ACSM5: variants seen among roughly 807,000 people sequenced by gnomAD.
The protein encoded by ACSM5 is acyl-coenzyme A synthetase ACSM5, mitochondrial.
A neutral mutation model predicts 71.6 loss-of-function variants in ACSM5; 56 were observed. The ratio of observed to expected loss-of-function variants is 0.78; its 90% CI spans 0.63 to 0.98. The LOEUF (loss-of-function observed/expected upper bound fraction) is 0.98. Among genes scored for constraint, ACSM5 ranks in the 50% least tolerant of loss-of-function variants. ACSM5 has a pLI of 0.00. For missense variants in ACSM5, 723 were observed against 726.0 expected (o/e 1.00, Z 0.05); for synonymous variants, 285 against 281.5 (o/e 1.01, Z -0.12).
At chr16:20,440,243 G>A (rs1418999287) in intron 13 of ACSM5, 101 bp from the exon 14 acceptor site, 9 of 838,918 alleles carry the variant, frequency 1.1e-5, no homozygotes, top group Middle Eastern at 3.5e-4. Flanking sequence ...AATCAGGGAC[G>A]CTTTCCAAGG....
At chr16:20,423,431 T>A (rs1427693649) in intron 5 of ACSM5, among the ~76,000 whole-genome samples, 2 of 152,238 alleles carry the variant, frequency 1.3e-5, no homozygotes, top group African/African-American at 4.8e-5. Flanking sequence ...CCAGAGCATT[T>A]CTCAGAAACC....
In ACSM5 at chr16:20,424,650, ATCAG is replaced by A. The variant is rs138348546; in HGVS notation, c.921+585_921+588del. Among the ~76,000 whole-genome samples the A allele has an allele frequency of 1.2e-3, 187 of 152,340 alleles. 1 individual carries two copies. The highest frequency in any genetic ancestry group is 4.4e-3 in the African/African-American group (185 of 41,576). Reference sequence around the variant, plus strand: ...GGTAGCTAACTGCATAGGCTGTGCCATCAGTCAAAGAGTCAGACCTGGACTCTGA... The same window carrying A: ...GGTAGCTAACTGCATAGGCTGTGCCATCAAAGAGTCAGACCTGGACTCTGA... On this transcript the variant is annotated intron_variant, in intron 6 of 13. Coordinates refer to ENST00000331849, the MANE Select transcript of ACSM5 (RefSeq NM_017888.3).
intron 1 of ACSM5, among the ~76,000 whole-genome samples, chr16:20,411,236 C>T (rs944692909): frequency 5.6e-4 from 85 of 152,296 alleles, no homozygotes; most frequent in African/African-American, 1.9e-3. Context: ...TGAGTTCTGA[C>T]CTCAGACCCA....
At chr16:20,430,200 TACACACAC>T (rs199835504) in intron 8 of ACSM5, among the ~76,000 whole-genome samples, 3,197 of 144,828 alleles carry the variant, frequency 0.022, 104 homozygotes, top group African/African-American at 0.071. Context: ...GCTATTGAAA[TACACACAC>T]ACACACACAC....
At chr16:20,426,417 G>T (rs1230265777) in intron 6 of ACSM5, among the ~76,000 whole-genome samples, 1 of 152,156 alleles carries the variant, frequency 6.6e-6, no homozygotes, top group Non-Finnish European at 1.5e-5. Flanking sequence ...TTGGAGCAGG[G>T]TCTCTCATGA....
intron 2 of ACSM5, among the ~76,000 whole-genome samples, chr16:20,415,467 A>C (rs1344593219): frequency 2.0e-5 from 3 of 152,218 alleles, no homozygotes; most frequent in Admixed American, 2.0e-4. Flanking sequence ...AATGGGGTGA[A>C]TCACTGAGAC....
At chr16:20,437,788 TG>T (rs965425639) in intron 12 of ACSM5, among the ~76,000 whole-genome samples, 2 of 150,814 alleles carry the variant, frequency 1.3e-5, no homozygotes, top group African/African-American at 4.9e-5. Flanking sequence ...ACCAGAAAGA[TG>T]GGCCAAATTT....
Position 20,418,484 on chromosome 16 carries a change from T to G in ACSM5, c.415+215T>G, listed in dbSNP as rs74925128. ...AGGCCAGTGCAAGGCAGTAGGGAGTTGTGAGGACTGCGGCAAACTGGAGAT... is the reference window on the plus strand; with the variant it reads ...AGGCCAGTGCAAGGCAGTAGGGAGTGGTGAGGACTGCGGCAAACTGGAGAT... On this transcript the variant is annotated intron_variant, in intron 3 of 13. Transcript: ENST00000331849. Among the ~76,000 whole-genome samples, 7,762 of 152,230 alleles carry G rather than the reference T, an allele frequency of 0.051. 224 individuals carry two copies. The highest frequency in any genetic ancestry group is 0.072 in the African/African-American group (2,994 of 41,530).
intron 7 of ACSM5, among the ~76,000 whole-genome samples, chr16:20,428,156 T>G (rs1271969529): frequency 1.3e-5 from 2 of 152,130 alleles, no homozygotes; most frequent in East Asian, 3.9e-4. Flanking sequence ...AGACTGAAAT[T>G]TTAGCACCTG....
intron 6 of ACSM5, among the ~76,000 whole-genome samples, chr16:20,426,838 G>A (rs201814336): frequency 7.2e-6 from 1 of 138,428 alleles, no homozygotes; most frequent in Non-Finnish European, 1.6e-5. Flanking sequence ...GGATGGTAGC[G>A]ATGGTTGCAC....
intron 6 of ACSM5, among the ~76,000 whole-genome samples, chr16:20,427,319 A>C (rs1167094004): frequency 1.3e-5 from 2 of 152,106 alleles, no homozygotes; most frequent in South Asian, 2.1e-4. Flanking sequence ...AACAAAAAAC[A>C]AAACAAAAAC....
intron 7 of ACSM5, 107 bp from the exon 8 acceptor site, chr16:20,429,571 C>T (rs1730136307): frequency 5.4e-6 from 8 of 1,468,504 alleles, no homozygotes; most frequent in Non-Finnish European, 7.6e-6. Flanking sequence ...AAAGCAGGGG[C>T]ATCTACCCTC....
chr16:20,422,909 G>T (rs558323618), intron 5 of ACSM5, among the ~76,000 whole-genome samples: 14 of 152,284 alleles, frequency 9.2e-5, no homozygotes, highest in Non-Finnish European at 1.3e-4. Context: ...ACTAAATGAT[G>T]GGGGAAGAAC....
At chr16:20,439,944 C>G in intron 13 of ACSM5, 25 bp downstream of exon 13, 1 of 1,611,380 alleles carries the variant, frequency 6.2e-7, no homozygotes, top group Non-Finnish European at 8.5e-7. Context: ...TTCCAGGGCA[C>G]AGTGATCTGG....
At chr16:20,415,754 T>G (rs113345292) in intron 2 of ACSM5, among the ~76,000 whole-genome samples, 6,748 of 152,270 alleles carry the variant, frequency 0.044, 161 homozygotes, top group South Asian at 0.059. Context: ...CAATCACAGA[T>G]GATTAAGGGC....
chr16:20,433,109 C>T (rs762615759), intron 10 of ACSM5, among the ~76,000 whole-genome samples: 4 of 152,156 alleles, frequency 2.6e-5, no homozygotes, highest in East Asian at 1.9e-4. Flanking sequence ...CTGCCCGCCT[C>T]GGGCAACTCC....
intron 8 of ACSM5, among the ~76,000 whole-genome samples, chr16:20,430,051 G>T (rs1176264956): frequency 6.6e-6 from 1 of 152,094 alleles, no homozygotes; most frequent in Non-Finnish European, 1.5e-5. Flanking sequence ...GAAGGAAGAA[G>T]GTGAGAGGAG....
intron 6 of ACSM5, among the ~76,000 whole-genome samples, chr16:20,427,410 G>A (rs28421037): frequency 0.44 from 64,877 of 147,564 alleles, 14,354 homozygotes; most frequent in East Asian, 0.7. Flanking sequence ...GCACCTGTCC[G>A]TAGGATGGCT....
chr16:20,419,893 A>G (rs1966870828), intron 4 of ACSM5: 1 of 226,736 alleles, frequency 4.4e-6, no homozygotes, highest in East Asian at 1.1e-4. Flanking sequence ...TGGTGTTCAG[A>G]ACACCATAAT....
Sources: allele counts gnomAD v4.1 joint callset (sites outside exome capture counted in the v4.1 genomes callset), GRCh38; gene constraint gnomAD v4.1.1; transcripts MANE v1.5; gene names NCBI Gene and HGNC (gene_info 2026-07-23, HGNC 2026-07-21).